PKNOX2: variants seen among roughly 807,000 people sequenced by gnomAD.
PKNOX2 encodes the protein homeobox protein PKNOX2.
In PKNOX2, 14 loss-of-function variants were observed where a neutral mutation model predicts 53.1. That is an observed-to-expected ratio of 0.26 (90% CI 0.17 to 0.41). PKNOX2 has a LOEUF of 0.41. Ranked by LOEUF, PKNOX2 falls within the 10% of genes least tolerant of loss-of-function variation. PKNOX2 has a pLI of 1.00. For missense variants in PKNOX2, 496 were observed against 602.8 expected (o/e 0.82, Z 1.85); for synonymous variants, 257 against 242.8 (o/e 1.06, Z -0.54).
At chr11:125,219,120 C>A (rs1940863534) in intron 1 of PKNOX2, among the ~76,000 whole-genome samples, 1 of 152,130 alleles carries the variant, frequency 6.6e-6, no homozygotes, top group African/African-American at 2.4e-5. Flanking sequence ...TCAAACTACA[C>A]ATTTTTAAAC....
At chr11:125,393,428 G>A (rs74852107) in intron 6 of PKNOX2, among the ~76,000 whole-genome samples, 8,572 of 152,138 alleles carry the variant, frequency 0.056, 342 homozygotes, top group African/African-American at 0.1. Flanking sequence ...GAGAAGGTCC[G>A]AGGCAACAAG....
intron 2 of PKNOX2, among the ~76,000 whole-genome samples, chr11:125,242,693 C>T (rs76204169): frequency 0.028 from 4,232 of 152,170 alleles, 223 homozygotes; most frequent in African/African-American, 0.096. Flanking sequence ...TGTGAGTGTG[C>T]GAGCGAGGCA....
At chr11:125,411,687 TC>T in intron 9 of PKNOX2, 58 bp from the exon 10 acceptor site, 1 of 1,612,126 alleles carries the variant, frequency 6.2e-7, no homozygotes, top group Non-Finnish European at 8.5e-7. Context: ...TGGCAACAGG[TC>T]CCCAGCCGCT....
rs555837941 is a variant in PKNOX2, at chr11:125,342,281, G to A, written c.-22-9003G>A. On this transcript the variant is annotated intron_variant, in intron 3 of 12. Transcript: ENST00000298282. ...GGGCCTGGCTGACCCTTTTAGCTCC[G>A]CTGGCTCCAGGAGAATCTGAGGTTG... Among the ~76,000 whole-genome samples, 52 of 152,054 alleles carry A rather than the reference G, an allele frequency of 3.4e-4. 1 individual carries two copies. The highest frequency in any genetic ancestry group is 8.4e-4 in the African/African-American group (35 of 41,468).
chr11:125,292,196 C>T (rs1282343468), intron 2 of PKNOX2, among the ~76,000 whole-genome samples: 1 of 152,234 alleles, frequency 6.6e-6, no homozygotes. Flanking sequence ...CGGCTTAGGT[C>T]GTCTCTCAGC....
At chr11:125,204,288 T>C (rs1304965747) in intron 1 of PKNOX2, among the ~76,000 whole-genome samples, 3 of 152,140 alleles carry the variant, frequency 2.0e-5, no homozygotes, top group African/African-American at 7.2e-5. Flanking sequence ...GCTGTGTTTC[T>C]CAGATGTTAA....
chr11:125,213,705 G>T (rs1020434243), intron 1 of PKNOX2, among the ~76,000 whole-genome samples: 1 of 152,076 alleles, frequency 6.6e-6, no homozygotes, highest in Non-Finnish European at 1.5e-5. Flanking sequence ...TGATCTGCCC[G>T]CCATGGCCTC....
At chr11:125,205,196 T>A (rs1249959833) in intron 1 of PKNOX2, among the ~76,000 whole-genome samples, 3 of 152,240 alleles carry the variant, frequency 2.0e-5, no homozygotes, top group African/African-American at 7.2e-5. Context: ...TTATTTTGTA[T>A]CCATTCTGTG....
At position 125,206,015 on chromosome 11, in the gene PKNOX2, C is replaced by T. The variant is rs77604523; in HGVS notation, c.-200-29030C>T. ...CAGGAAGAAAGAGATGGCTGTGCAC[C>T]GGGGTGATCTGGGATCTGAAATGAC... On this transcript the variant is annotated intron_variant, in intron 1 of 12. Transcript: ENST00000298282. Among the ~76,000 whole-genome samples the T allele has an allele frequency of 1.2e-3, 182 of 152,024 alleles. 2 individuals are homozygous for T. Among genetic ancestry groups the T allele is most frequent in the Non-Finnish European group, 1.6e-3 (108 of 67,928 alleles).
At chr11:125,406,907 A>G (rs1159830557) in intron 7 of PKNOX2, among the ~76,000 whole-genome samples, 2 of 130,846 alleles carry the variant, frequency 1.5e-5, no homozygotes, top group Non-Finnish European at 3.1e-5. Context: ...TGGCCCTGAG[A>G]ATCTATGTCT....
intron 1 of PKNOX2, among the ~76,000 whole-genome samples, chr11:125,180,201 G>A (rs939481778): frequency 6.6e-5 from 10 of 152,160 alleles, no homozygotes; most frequent in Admixed American, 1.3e-4. Context: ...ATCTCAATGA[G>A]GCTTTCCTCA....
intron 1 of PKNOX2, among the ~76,000 whole-genome samples, chr11:125,196,174 G>A (rs2135377711): frequency 6.6e-6 from 1 of 152,272 alleles, no homozygotes; most frequent in Admixed American, 6.5e-5. Flanking sequence ...TTTCCTCTTG[G>A]ATCCTGAGCC....
At chr11:125,289,899 T>C (rs746264457) in intron 2 of PKNOX2, among the ~76,000 whole-genome samples, 4 of 152,186 alleles carry the variant, frequency 2.6e-5, no homozygotes, top group Non-Finnish European at 5.9e-5. Flanking sequence ...CAATAACTGT[T>C]AATCAGCCCG....
At chr11:125,258,211 C>T (rs186565441) in intron 2 of PKNOX2, among the ~76,000 whole-genome samples, 1 of 152,282 alleles carries the variant, frequency 6.6e-6, no homozygotes, top group Admixed American at 6.5e-5. Flanking sequence ...TCCTGTCACC[C>T]TGTCCCCTCA....
intron 5 of PKNOX2, among the ~76,000 whole-genome samples, chr11:125,377,703 T>C (rs1952923416): frequency 6.6e-6 from 1 of 152,220 alleles, no homozygotes; most frequent in Non-Finnish European, 1.5e-5. Flanking sequence ...AGAATTGGCT[T>C]GAGCCACACA....
chr11:125,177,069 G>A (rs1428470244), intron 1 of PKNOX2, among the ~76,000 whole-genome samples: 1 of 152,176 alleles, frequency 6.6e-6, no homozygotes, highest in East Asian at 1.9e-4. Flanking sequence ...CTGTGACGGG[G>A]GTAGAAATGA....
At chr11:125,423,630 C>T (rs1378538401) in intron 10 of PKNOX2, among the ~76,000 whole-genome samples, 1 of 152,172 alleles carries the variant, frequency 6.6e-6, no homozygotes, top group Non-Finnish European at 1.5e-5. Flanking sequence ...AAAAGAAAGA[C>T]ATGGTCCCTT....
At chr11:125,358,964 G>A (rs555116567) in intron 4 of PKNOX2, among the ~76,000 whole-genome samples, 151 of 152,332 alleles carry the variant, frequency 9.9e-4, no homozygotes, top group Non-Finnish European at 2.0e-3. Flanking sequence ...AGTCTTCTGC[G>A]GCCTGGGGAG....
At chr11:125,396,290 T>G (rs1429326230) in intron 6 of PKNOX2, among the ~76,000 whole-genome samples, 2 of 152,154 alleles carry the variant, frequency 1.3e-5, no homozygotes, top group African/African-American at 4.8e-5. Flanking sequence ...AAGATCTCTT[T>G]GCCTCACCCT....
Sources: gnomAD v4.1 joint callset for allele counts (sites outside exome capture counted in the v4.1 genomes callset) on GRCh38, gnomAD v4.1.1 for gene constraint, MANE v1.5 for transcripts, NCBI Gene and HGNC (gene_info 2026-07-23, HGNC 2026-07-21) for gene names.